PCDH11X: variants seen among roughly 807,000 people sequenced by gnomAD.
The protein encoded by PCDH11X is protocadherin-11 X-linked.
A neutral mutation model predicts 53.3 loss-of-function variants in PCDH11X; 18 were observed. The observed-to-expected ratio is 0.34, with a 90% CI of 0.23 to 0.50. The LOEUF (loss-of-function observed/expected upper bound fraction) is 0.50. Ranked by LOEUF, PCDH11X falls within the 20% of genes least tolerant of loss-of-function variation. The probability of loss-of-function intolerance (pLI) is 0.98; values close to 1 mark genes in which losing one functional copy is unlikely to be tolerated. For missense variants in PCDH11X, 570 were observed against 1,032.4 expected, an observed-to-expected ratio of 0.55 and a Z score of 6.14; for synonymous variants, 279 against 393.3, an observed-to-expected ratio of 0.71 and a Z score of 3.44.
chrX:92,340,168 G>A (rs182247405), intron 8 of PCDH11X, among the ~76,000 whole-genome samples: 1 of 111,796 alleles, frequency 8.9e-6, no homozygotes, highest in Admixed American at 9.5e-5. Context: ...AGGCACAGTG[G>A]TGGGAAGGAT....
intron 9 of PCDH11X, among the ~76,000 whole-genome samples, chrX:92,445,192 C>CTTTTTTTT (rs778466088): frequency 2.2e-3 from 36 of 16,512 alleles, no homozygotes; most frequent in Admixed American, 3.5e-3. Flanking sequence ...TGGTCCAGGG[C>CTTTTTTTT]TTTTTTTTTT....
At chrX:92,072,503 G>C (rs2063718034) in intron 6 of PCDH11X, among the ~76,000 whole-genome samples, 1 of 111,171 alleles carries the variant, frequency 9.0e-6, no homozygotes, top group Admixed American at 9.6e-5. Context: ...TCAGTTAACA[G>C]GTGATAAATG....
Position 92,315,540 on chromosome X carries a change from G to GT in PCDH11X, c.3144+52405dup, listed in dbSNP as rs750560978. ...TGATAGAAATGATCAAATTATTTAA[G>GT]TTTTTTTTGTTTTGGAGACAGAATC... On this transcript the variant is annotated intron_variant, in intron 8 of 10. Transcript: ENST00000682573. Among the ~76,000 whole-genome samples the GT allele has an allele frequency of 1.4e-3, 159 of 111,035 alleles. 1 individual carries two copies. The highest frequency in any genetic ancestry group is 4.5e-3 in the African/African-American group (139 of 30,552).
chrX:91,943,633 C>T (rs1267418710), intron 6 of PCDH11X, among the ~76,000 whole-genome samples: 48 of 100,359 alleles, frequency 4.8e-4, no homozygotes, highest in African/African-American at 1.7e-3. Flanking sequence ...CTACAGCTAA[C>T]GTCATAATAA....
chrX:91,910,566 T>A (rs1399988890), intron 6 of PCDH11X, among the ~76,000 whole-genome samples: 1 of 111,012 alleles, frequency 9.0e-6, no homozygotes, highest in African/African-American at 3.3e-5. Context: ...TCCTTTTGTT[T>A]GTTGATTGGT....
chrX:92,242,010 T>C (rs1469877818), intron 7 of PCDH11X, among the ~76,000 whole-genome samples: 1 of 109,248 alleles, frequency 9.2e-6, no homozygotes, highest in East Asian at 2.9e-4. Context: ...GGCAGGAGAA[T>C]CGTTTGAACC....
chrX:92,103,918 C>T (rs1214678673), intron 6 of PCDH11X, among the ~76,000 whole-genome samples: 1 of 111,099 alleles, frequency 9.0e-6, no homozygotes, highest in African/African-American at 3.3e-5. Context: ...TATTTAATGT[C>T]GGGAGCAGAT....
At position 92,357,359 on chromosome X, in the gene PCDH11X, T is replaced by C. The variant is rs371559499; in HGVS notation, c.3145-30376T>C. Among the ~76,000 whole-genome samples, 3 of 111,633 alleles carry C rather than the reference T, an allele frequency of 2.7e-5. No homozygotes were observed. The East Asian group carries it at 8.4e-4, about 31-fold the overall frequency. On this transcript the variant is annotated intron_variant, in intron 8 of 10. Transcript: ENST00000682573. ...ATATTTCTTTATTTCATTTAACTAA[T>C]TTGGAAAAACGAAATCTAGTCTTTC...
chrX:91,806,964 T>C (rs34644290), intron 1 of PCDH11X, among the ~76,000 whole-genome samples: 1 of 111,728 alleles, frequency 9.0e-6, no homozygotes, highest in African/African-American at 3.3e-5. Flanking sequence ...AGGGAAAGGC[T>C]GTGAAATAAA....
chrX:91,959,284 T>C (rs901916540), intron 6 of PCDH11X, among the ~76,000 whole-genome samples: 1 of 110,855 alleles, frequency 9.0e-6, no homozygotes, highest in African/African-American at 3.3e-5. Context: ...AAAATAGTTA[T>C]CCTTTTTTTT....
At chrX:92,087,803 C>T (rs376627509) in intron 6 of PCDH11X, among the ~76,000 whole-genome samples, 1 of 109,630 alleles carries the variant, frequency 9.1e-6, no homozygotes, top group African/African-American at 3.3e-5. Flanking sequence ...TGTCGGATAT[C>T]ATTTTGCCCT....
chrX:91,829,268 A>G (rs1189306671), intron 4 of PCDH11X, among the ~76,000 whole-genome samples: 1 of 109,387 alleles, frequency 9.1e-6, no homozygotes, highest in African/African-American at 3.4e-5. Context: ...AGCCTTATAT[A>G]TAAAACTCAT....
intron 6 of PCDH11X, among the ~76,000 whole-genome samples, chrX:92,127,095 CAG>C (rs1443353957): frequency 3.6e-5 from 4 of 110,888 alleles, no homozygotes; most frequent in Middle Eastern, 4.8e-3. Flanking sequence ...GTATGAAAAA[CAG>C]AGATATATGA....
At chrX:92,533,394 C>T (rs1166775387) in intron 10 of PCDH11X, among the ~76,000 whole-genome samples, 3 of 105,708 alleles carry the variant, frequency 2.8e-5, no homozygotes, top group Non-Finnish European at 5.8e-5. Context: ...CAGATGGTCT[C>T]TCTGTGAAAG....
intron 10 of PCDH11X, among the ~76,000 whole-genome samples, chrX:92,469,094 CAT>C (rs1224160526): frequency 9.8e-6 from 1 of 101,827 alleles, no homozygotes; most frequent in Non-Finnish European, 2.0e-5. Flanking sequence ...TTATTTCACT[CAT>C]ACACTTTTAT....
At chrX:92,370,991 G>A (rs530599544) in intron 8 of PCDH11X, among the ~76,000 whole-genome samples, 1 of 111,775 alleles carries the variant, frequency 8.9e-6, no homozygotes, top group African/African-American at 3.3e-5. Flanking sequence ...GTTTTTTGGT[G>A]TAAAATCTAT....
chrX:92,353,421 C>G (rs1163614619), intron 8 of PCDH11X, among the ~76,000 whole-genome samples: 1 of 111,207 alleles, frequency 9.0e-6, no homozygotes, highest in Non-Finnish European at 1.9e-5. Flanking sequence ...TCAGATATAT[C>G]TGTTTCAAGA....
chrX:91,871,906 G>A (rs1354101504), intron 5 of PCDH11X, among the ~76,000 whole-genome samples: 32 of 110,920 alleles, frequency 2.9e-4, no homozygotes, highest in Non-Finnish European at 5.1e-4. Flanking sequence ...AGGTTATTAG[G>A]ATGAGGTTAT....
intron 5 of PCDH11X, among the ~76,000 whole-genome samples, chrX:91,869,962 A>G (rs1330093083): frequency 1.8e-5 from 2 of 111,958 alleles, no homozygotes; most frequent in Non-Finnish European, 3.8e-5. Flanking sequence ...GTAAAAAATG[A>G]TTGGTTCCTC....
Sources: gnomAD v4.1 joint callset for allele counts (sites outside exome capture counted in the v4.1 genomes callset) on GRCh38, gnomAD v4.1.1 for gene constraint, MANE v1.5 for transcripts, NCBI Gene and HGNC (gene_info 2026-07-23, HGNC 2026-07-21) for gene names.